The following PCDH9 variants were observed in gnomAD, a reference collection of about 807,000 sequenced individuals.
The protein encoded by PCDH9 is protocadherin-9.
A neutral mutation model predicts 70.6 loss-of-function variants in PCDH9; 24 were observed. The ratio of observed to expected loss-of-function variants is 0.34; its 90% confidence interval spans 0.25 to 0.48. The LOEUF is 0.48. Among genes scored for constraint, PCDH9 ranks in the 20% least tolerant of loss-of-function variants. The pLI is 0.99. For synonymous variants in PCDH9, 562 were observed against 558.5 expected, an observed-to-expected ratio of 1.01 and a Z score of -0.09; for missense variants, 1,281 against 1,503.6, an observed-to-expected ratio of 0.85 and a Z score of 2.45.
At chr13:66,780,928 A>C (rs2079989063) in intron 3 of PCDH9, among the ~76,000 whole-genome samples, 1 of 152,160 alleles carries the variant, frequency 6.6e-6, no homozygotes, top group African/African-American at 2.4e-5. Context: ...CAAAGCCTTA[A>C]CTGAAGTAAT....
intron 2 of PCDH9, among the ~76,000 whole-genome samples, chr13:66,939,284 T>C (rs534012853): frequency 3.7e-4 from 57 of 152,320 alleles, no homozygotes; most frequent in South Asian, 2.5e-3. Context: ...TGAAGTTCAA[T>C]TTAAAAACCA....
intron 3 of PCDH9, among the ~76,000 whole-genome samples, chr13:66,889,083 T>C (rs1213245257): frequency 6.6e-6 from 1 of 152,170 alleles, no homozygotes; most frequent in Non-Finnish European, 1.5e-5. Flanking sequence ...GTAAAGTCTA[T>C]GGTCTGGTTA....
chr13:66,746,068 T>G (rs2079357828), intron 3 of PCDH9, among the ~76,000 whole-genome samples: 1 of 152,192 alleles, frequency 6.6e-6, no homozygotes, highest in Non-Finnish European at 1.5e-5. Context: ...TTCATTTAAG[T>G]CATTTTTTAA....
At chr13:66,568,821 T>G (rs1156888386) in intron 4 of PCDH9, among the ~76,000 whole-genome samples, 1 of 151,330 alleles carries the variant, frequency 6.6e-6, no homozygotes, top group Admixed American at 6.6e-5. Flanking sequence ...AAAAAAGAGA[T>G]ATAATTTGGG....
chr13:66,425,609 T>C (rs944977834), intron 4 of PCDH9, among the ~76,000 whole-genome samples: 29 of 151,668 alleles, frequency 1.9e-4, no homozygotes, highest in African/African-American at 6.0e-4. Context: ...CGGAGTTCTC[T>C]TATAAAATCC....
intron 2 of PCDH9, among the ~76,000 whole-genome samples, chr13:67,067,417 T>C (rs114694272): frequency 0.037 from 5,689 of 152,154 alleles, 177 homozygotes; most frequent in South Asian, 0.11. Context: ...GATATTTCCA[T>C]TTTTGTGTAC....
chr13:67,094,940 T>C (rs1231621487), intron 2 of PCDH9, among the ~76,000 whole-genome samples: 1 of 152,110 alleles, frequency 6.6e-6, no homozygotes, highest in Admixed American at 6.6e-5. Context: ...AACAATAATA[T>C]TTTAAGAGCT....
chr13:67,124,364 A>G (rs1232689662), intron 2 of PCDH9, among the ~76,000 whole-genome samples: 2 of 152,190 alleles, frequency 1.3e-5, no homozygotes, highest in African/African-American at 4.8e-5. Context: ...AGAATTTAAT[A>G]CACACTTAGT....
intron 4 of PCDH9, among the ~76,000 whole-genome samples, chr13:66,391,437 T>C (rs913346479): frequency 6.6e-6 from 1 of 152,284 alleles, no homozygotes; most frequent in Admixed American, 6.5e-5. Context: ...AGTGAACAGG[T>C]ACATTTTTAA....
chr13:66,834,333 C>T (rs2080979812), intron 3 of PCDH9, among the ~76,000 whole-genome samples: 1 of 151,590 alleles, frequency 6.6e-6, no homozygotes, highest in African/African-American at 2.4e-5. Context: ...AATTTTTGTA[C>T]TTTTAGTAGA....
intron 3 of PCDH9, among the ~76,000 whole-genome samples, chr13:66,775,010 C>A (rs1457710908): frequency 2.6e-5 from 4 of 152,150 alleles, no homozygotes; most frequent in Non-Finnish European, 5.9e-5. Context: ...ATTCTATCTG[C>A]ATGATGATTA....
intron 2 of PCDH9, among the ~76,000 whole-genome samples, chr13:66,979,900 C>T (rs1295965499): frequency 6.6e-6 from 1 of 151,912 alleles, no homozygotes; most frequent in East Asian, 1.9e-4. Context: ...TGCTATTTAC[C>T]TTCTCCTATC....
chr13:66,812,774 T>G (rs188349145), intron 3 of PCDH9, among the ~76,000 whole-genome samples: 54 of 152,294 alleles, frequency 3.5e-4, no homozygotes, highest in Non-Finnish European at 6.5e-4. Context: ...TAGGAAATAA[T>G]TAGGAATAGG....
chr13:66,610,306 G>A (rs1346599578), intron 4 of PCDH9, among the ~76,000 whole-genome samples: 1 of 152,064 alleles, frequency 6.6e-6, no homozygotes, highest in Non-Finnish European at 1.5e-5. Context: ...GAGAGAGAGA[G>A]CATTTAGACT....
intron 3 of PCDH9, among the ~76,000 whole-genome samples, chr13:66,738,607 G>A (rs1043683446): frequency 2.9e-5 from 4 of 138,756 alleles, no homozygotes; most frequent in African/African-American, 7.8e-5. Flanking sequence ...AAATTTAGAA[G>A]AATGTATAAC....
rs373806738 is a variant in PCDH9, at chr13:67,185,868, G to T, written c.3036+39537C>A. The stretch of plus-strand genomic sequence containing the variant: ...CTGCTTCGGCCTCCCAAGTAGCTGG[G>T]ATTACAGGCATGAGCCACCACACCC... On this transcript the variant is annotated intron_variant, in intron 2 of 4. Coordinates refer to ENST00000377865, the MANE Select transcript of PCDH9 (RefSeq NM_203487.3). Among the ~76,000 whole-genome samples the T allele has an allele frequency of 2.2e-4, 33 of 152,234 alleles. No individual in the cohort carries two copies. In the East Asian group the frequency reaches 3.9e-3, roughly 18 times the overall value.
intron 4 of PCDH9, among the ~76,000 whole-genome samples, chr13:66,589,565 T>C (rs932550588): frequency 6.6e-6 from 1 of 152,034 alleles, no homozygotes; most frequent in East Asian, 1.9e-4. Flanking sequence ...AAAATAGCTA[T>C]ATGGGATAGT....
intron 2 of PCDH9, among the ~76,000 whole-genome samples, chr13:66,930,692 G>C (rs2082792427): frequency 6.6e-6 from 1 of 151,958 alleles, no homozygotes; most frequent in Non-Finnish European, 1.5e-5. Context: ...AGACATACAA[G>C]AATGTATTTT....
chr13:66,382,165 A>G (rs1238345664), intron 4 of PCDH9, among the ~76,000 whole-genome samples: 1 of 152,204 alleles, frequency 6.6e-6, no homozygotes, highest in Non-Finnish European at 1.5e-5. Flanking sequence ...ACTCTTACTC[A>G]GGAAATCTAT....
Sources: allele counts gnomAD v4.1 joint callset (sites outside exome capture counted in the v4.1 genomes callset), GRCh38; gene constraint gnomAD v4.1.1; transcripts MANE v1.5; gene names NCBI Gene and HGNC (gene_info 2026-07-23, HGNC 2026-07-21).